SELENOI: variants seen among roughly 807,000 people sequenced by gnomAD.
SELENOI encodes the protein selenoprotein I.
Under a neutral mutation model 50.7 loss-of-function variants are expected in SELENOI, and 24 were observed. The ratio of observed to expected loss-of-function variants is 0.47; its 90% CI spans 0.34 to 0.67. The LOEUF is 0.67. Ranked by LOEUF, SELENOI falls within the 30% of genes least tolerant of loss-of-function variation. SELENOI has a pLI of 0.01. For synonymous variants in SELENOI, 155 were observed against 170.2 expected (o/e 0.91, Z 0.70); for missense variants, 352 against 461.4 (o/e 0.76, Z 2.17).
chr2:26,374,772 T>C (rs918431712), intron 5 of SELENOI, among the ~76,000 whole-genome samples: 1 of 152,118 alleles, frequency 6.6e-6, no homozygotes, highest in Non-Finnish European at 1.5e-5. Context: ...TTCTCCATGT[T>C]GGTCAGGCTG....
intron 4 of SELENOI, among the ~76,000 whole-genome samples, chr2:26,368,704 G>A (rs1046855197): frequency 5.3e-5 from 8 of 152,204 alleles, no homozygotes. Flanking sequence ...CAGACTTGTG[G>A]AGATGGAATG....
intron 1 of SELENOI, among the ~76,000 whole-genome samples, chr2:26,357,714 G>A (rs771290232): frequency 2.2e-4 from 33 of 152,134 alleles, no homozygotes; most frequent in Non-Finnish European, 3.4e-4. Context: ...ATAATACTCG[G>A]ATAATTCCCT....
At chr2:26,366,985 C>G (rs1003022637) in intron 3 of SELENOI, among the ~76,000 whole-genome samples, 161 bp from the exon 4 acceptor site, 1 of 152,082 alleles carries the variant, frequency 6.6e-6, no homozygotes, top group Non-Finnish European at 1.5e-5. Context: ...TTGGTTTTAT[C>G]AGTTTCCTGG....
intron 6 of SELENOI, among the ~76,000 whole-genome samples, chr2:26,382,278 T>A (rs531422179): frequency 6.4e-4 from 98 of 152,312 alleles, no homozygotes; most frequent in African/African-American, 2.3e-3. Context: ...GGTAGTAATA[T>A]GCAGGAAGTA....
At chr2:26,367,414 A>G (rs1001952563) in intron 4 of SELENOI, among the ~76,000 whole-genome samples, 194 bp downstream of exon 4, 3 of 152,240 alleles carry the variant, frequency 2.0e-5, no homozygotes, top group African/African-American at 4.8e-5. Context: ...GATTCACAGA[A>G]TAAGATAAGA....
At chr2:26,383,616 C>T (rs1219185146) in intron 7 of SELENOI, among the ~76,000 whole-genome samples, 2 of 152,150 alleles carry the variant, frequency 1.3e-5, no homozygotes, top group African/African-American at 4.8e-5. Context: ...CGGTGGCTCA[C>T]ACCTGTAATC....
intron 1 of SELENOI, 63 bp from the exon 2 acceptor site, chr2:26,364,239 A>G (rs1383767365): frequency 4.3e-6 from 5 of 1,175,288 alleles, no homozygotes; most frequent in Non-Finnish European, 6.2e-6. Context: ...CACCTAAGAA[A>G]TGTTATTCTG....
chr2:26,371,236 C>A (rs1171579103), intron 4 of SELENOI, among the ~76,000 whole-genome samples: 2 of 151,316 alleles, frequency 1.3e-5, no homozygotes, highest in African/African-American at 4.9e-5. Flanking sequence ...GGCTGCCAGG[C>A]GGAGAGGCTC....
At chr2:26,388,708 T>G (rs951047086) in intron 9 of SELENOI, among the ~76,000 whole-genome samples, 8 of 152,186 alleles carry the variant, frequency 5.3e-5, no homozygotes, top group African/African-American at 1.2e-4. Flanking sequence ...TTACTTGATC[T>G]AGATGCTACA....
rs375136490 is a variant in SELENOI, at chr2:26,361,707, G to A, written c.58-2595G>A. ...CTCACTCTGTAGTCTAGGCTGGAGC[G>A]CAGTGGCACAATCTTGGCTCACTGC... On this transcript the variant is annotated intron_variant, in intron 1 of 9. Transcript: ENST00000260585. Among the ~76,000 whole-genome samples the A allele has an allele frequency of 1.9e-4, 29 of 151,150 alleles. 1 individual carries two copies. In the South Asian group the frequency reaches 5.2e-3, roughly 27 times the overall value.
intron 4 of SELENOI, among the ~76,000 whole-genome samples, chr2:26,370,821 G>A (rs1371317836): frequency 1.2e-3 from 150 of 124,144 alleles, no homozygotes; most frequent in African/African-American, 5.0e-3. Context: ...GCGGCTGGCC[G>A]GGCGGGGGGC....
chr2:26,376,091 CAAA>C (rs57146815), intron 6 of SELENOI, among the ~76,000 whole-genome samples: 12 of 81,208 alleles, frequency 1.5e-4, no homozygotes, highest in Non-Finnish European at 2.3e-4. Flanking sequence ...GACCCTGTCT[CAAA>C]AAAAAAAAAA....
intron 6 of SELENOI, among the ~76,000 whole-genome samples, chr2:26,376,107 A>G (rs1677562039): frequency 6.6e-6 from 1 of 151,776 alleles, no homozygotes; most frequent in Admixed American, 6.6e-5. Context: ...AAAAAAAAAA[A>G]AAGAATAAAT....
intron 1 of SELENOI, 21 bp downstream of exon 1, chr2:26,346,310 C>T (rs1273226026): frequency 1.2e-6 from 2 of 1,601,368 alleles, no homozygotes; most frequent in South Asian, 2.2e-5. Context: ...CCGGCGGATG[C>T]CCCTCTCCCT....
intron 1 of SELENOI, 165 bp downstream of exon 1, chr2:26,346,454 G>A: frequency 1.2e-6 from 1 of 835,236 alleles, no homozygotes. Context: ...GGGTCGGGGA[G>A]CGTGGGAGCA....
chr2:26,365,565 A>G (rs1281316212), intron 3 of SELENOI, among the ~76,000 whole-genome samples: 1 of 152,178 alleles, frequency 6.6e-6, no homozygotes, highest in African/African-American at 2.4e-5. Context: ...TTTATTGTTC[A>G]GTCAGTTGAT....
Position 26,386,387 on chromosome 2 carries a change from C to A in SELENOI, c.946C>A (p.Arg316=). 2.5e-6 allele frequency: 4 copies of A among 1,613,766 alleles called. No individual in the cohort carries two copies. Among genetic ancestry groups the A allele is most frequent in the Non-Finnish European group, 2.5e-6 (3 of 1,179,820 alleles). The change falls in exon 9 of 10, where the codon CGG becomes AGG. Residue 316 remains arginine, a synonymous_variant. Coordinates refer to ENST00000260585, the MANE Select transcript of SELENOI (RefSeq NM_033505.4). The part of the protein sequence containing the change: ...QLIVCQMSST[R]CPTLNWLLVP... ...GATTGTTTGCCAAATGAGTAGTACCCGGTGTCCAACTTTGAATTGGTTGCT... is the reference window on the plus strand; with the variant it reads ...GATTGTTTGCCAAATGAGTAGTACCAGGTGTCCAACTTTGAATTGGTTGCT...
At chr2:26,387,851 A>G (rs1047846394) in intron 9 of SELENOI, among the ~76,000 whole-genome samples, 2 of 152,144 alleles carry the variant, frequency 1.3e-5, no homozygotes, top group African/African-American at 2.4e-5. Context: ...AAACACTTCT[A>G]TTTGGTATGC....
intron 4 of SELENOI, among the ~76,000 whole-genome samples, chr2:26,372,052 C>T (rs935481908): frequency 2.0e-5 from 3 of 152,122 alleles, no homozygotes; most frequent in African/African-American, 4.8e-5. Flanking sequence ...GAACCTTTCC[C>T]TTATCTGTAC....
Sources: gnomAD v4.1 joint callset for allele counts (sites outside exome capture counted in the v4.1 genomes callset) on GRCh38, gnomAD v4.1.1 for gene constraint, MANE v1.5 for transcripts, NCBI Gene and HGNC (gene_info 2026-07-23, HGNC 2026-07-21) for gene names.